The following CHRM3 variants were observed in gnomAD, a reference collection of about 807,000 sequenced individuals.
CHRM3 encodes the protein muscarinic acetylcholine receptor M3.
In CHRM3, 11 loss-of-function variants were observed where a neutral mutation model predicts 41.8. The ratio of observed to expected loss-of-function variants is 0.26; its 90% CI spans 0.17 to 0.44. CHRM3 has a LOEUF of 0.44. CHRM3 is among the 20% of genes least tolerant of loss of function. CHRM3 has a pLI of 1.00. For missense variants in CHRM3, 571 were observed against 745.4 expected, an observed-to-expected ratio of 0.77 and a Z score of 2.72; for synonymous variants, 297 against 301.4, an observed-to-expected ratio of 0.99 and a Z score of 0.15.
intron 6 of CHRM3, among the ~76,000 whole-genome samples, chr1:239,830,680 G>A (rs1025706670): frequency 4.6e-5 from 7 of 152,186 alleles, no homozygotes; most frequent in Non-Finnish European, 8.8e-5. Context: ...CTCCAGCCTG[G>A]GCAATAGAGG....
chr1:239,802,754 C>T lies in CHRM3; in HGVS notation c.-146-24498C>T, dbSNP rs145428122. Among the ~76,000 whole-genome samples the T allele has an allele frequency of 3.6e-3, 548 of 152,200 alleles. 5 individuals are homozygous for T. The highest frequency in any genetic ancestry group is 0.013 in the African/African-American group (525 of 41,532). On this transcript the variant is annotated intron_variant, in intron 5 of 6. Transcript: ENST00000676153. The stretch of plus-strand genomic sequence containing the variant: ...CTGGGACTACAGGTGTGCACCACCA[C>T]GCCCAGCTAATTTTTGTGTTTTTTG...
intron 4 of CHRM3, among the ~76,000 whole-genome samples, chr1:239,665,519 T>A (rs1673692241): frequency 1.3e-5 from 2 of 152,172 alleles, no homozygotes; most frequent in South Asian, 4.1e-4. Flanking sequence ...TTTTTTGGAA[T>A]GTTTCTTTTT....
At chr1:239,645,610 A>G (rs1671677080) in intron 4 of CHRM3, among the ~76,000 whole-genome samples, 1 of 152,238 alleles carries the variant, frequency 6.6e-6, no homozygotes, top group African/African-American at 2.4e-5. Context: ...ATGTGATGTC[A>G]TACACAAAAC....
At chr1:239,786,327 C>T (rs1477257144) in intron 5 of CHRM3, among the ~76,000 whole-genome samples, 1 of 152,080 alleles carries the variant, frequency 6.6e-6, no homozygotes, top group African/African-American at 2.4e-5. Flanking sequence ...TAATAATTAC[C>T]TATACTTACA....
intron 2 of CHRM3, among the ~76,000 whole-genome samples, chr1:239,542,864 AT>A (rs1658913701): frequency 6.6e-6 from 1 of 152,112 alleles, no homozygotes; most frequent in African/African-American, 2.4e-5. Flanking sequence ...TTCCTTTGAT[AT>A]TTTTCAAAAG....
intron 2 of CHRM3, among the ~76,000 whole-genome samples, chr1:239,494,514 C>A (rs1186138073): frequency 6.6e-6 from 1 of 151,296 alleles, no homozygotes; most frequent in Non-Finnish European, 1.5e-5. Flanking sequence ...ATAGTTCAGA[C>A]TTTTTTTTTA....
intron 1 of CHRM3, among the ~76,000 whole-genome samples, chr1:239,399,904 T>C (rs1659820704): frequency 6.6e-6 from 1 of 152,050 alleles, no homozygotes; most frequent in Admixed American, 6.6e-5. Context: ...TATTTATTTA[T>C]TTATTTTTAT....
At chr1:239,535,564 G>A (rs993123745) in intron 2 of CHRM3, among the ~76,000 whole-genome samples, 10 of 150,998 alleles carry the variant, frequency 6.6e-5, no homozygotes, top group African/African-American at 2.4e-4. Flanking sequence ...TCTGCCCTAT[G>A]AAAATACTCT....
chr1:239,898,941 T>A (rs1281195473), intron 6 of CHRM3, among the ~76,000 whole-genome samples: 1 of 152,222 alleles, frequency 6.6e-6, no homozygotes, highest in African/African-American at 2.4e-5. Context: ...TTCCTAGAAC[T>A]AACCTTCAAT....
At chr1:239,831,605 C>G (rs529697600) in intron 6 of CHRM3, among the ~76,000 whole-genome samples, 1 of 152,150 alleles carries the variant, frequency 6.6e-6, no homozygotes, top group African/African-American at 2.4e-5. Context: ...ACTGATGGAA[C>G]TGTTGAGAAT....
In CHRM3 at chr1:239,662,893, C is replaced by CTCTTCTTCTTCTTCTTTTTCTTCTTCT. The variant is rs1553356874; in HGVS notation, c.-249-15277_-249-15276insTTTCTTCTTCTTCTTCTTCTTCTTCTT. Among the ~76,000 whole-genome samples the CTCTTCTTCTTCTTCTTTTTCTTCTTCT allele has an allele frequency of 1.3e-4, 6 of 46,400 alleles. 1 individual carries two copies. The highest frequency in any genetic ancestry group is 4.7e-4 in the African/African-American group (6 of 12,724). 30.4% of individuals were successfully genotyped at this position (46,400 alleles called of 152,430 possible). On this transcript the variant is annotated intron_variant, in intron 4 of 6. Transcript: ENST00000676153. ...TCTCCTCTTTCTCCTCTTCCTCCTC[C>CTCTTCTTCTTCTTCTTTTTCTTCTTCT]TCTTCTTCTTCTTCTTCTTCTTCTT... is the stretch of plus-strand genomic sequence containing the variant.
chr1:239,574,942 G>C (rs996895091), intron 3 of CHRM3, among the ~76,000 whole-genome samples: 1 of 152,008 alleles, frequency 6.6e-6, no homozygotes, highest in Non-Finnish European at 1.5e-5. Context: ...TTGAATGGAG[G>C]TAACAATCTT....
At chr1:239,396,645 G>T (rs1572150466) in intron 1 of CHRM3, among the ~76,000 whole-genome samples, 2 of 152,008 alleles carry the variant, frequency 1.3e-5, no homozygotes, top group African/African-American at 4.8e-5. Context: ...TTTGTTGTTT[G>T]TCTCCTTATA....
At chr1:239,757,534 GC>G (rs1220046419) in intron 5 of CHRM3, among the ~76,000 whole-genome samples, 1 of 151,856 alleles carries the variant, frequency 6.6e-6, no homozygotes, top group Admixed American at 6.6e-5. Flanking sequence ...GGAGGCTGAG[GC>G]AGGAGAATGG....
At chr1:239,498,443 T>C (rs17585014) in intron 2 of CHRM3, among the ~76,000 whole-genome samples, 23,410 of 152,166 alleles carry the variant, frequency 0.15, 2,388 homozygotes, top group Non-Finnish European at 0.21. Flanking sequence ...AAATTTGATT[T>C]CAATAAAATT....
At chr1:239,401,459 C>T (rs1659965172) in intron 1 of CHRM3, among the ~76,000 whole-genome samples, 1 of 151,962 alleles carries the variant, frequency 6.6e-6, no homozygotes, top group Non-Finnish European at 1.5e-5. Flanking sequence ...TGTATTTTGT[C>T]TTCTCCTGAT....
At chr1:239,409,683 T>C (rs1187792383) in intron 1 of CHRM3, among the ~76,000 whole-genome samples, 1 of 152,272 alleles carries the variant, frequency 6.6e-6, no homozygotes, top group Non-Finnish European at 1.5e-5. Context: ...CTCTAAAAGA[T>C]AGCGGAATGT....
intron 5 of CHRM3, among the ~76,000 whole-genome samples, chr1:239,735,689 G>A (rs566190114): frequency 4.3e-4 from 65 of 152,178 alleles, no homozygotes; most frequent in African/African-American, 1.5e-3. Context: ...TGCCTCTTGA[G>A]GGTTGATTTT....
At chr1:239,569,140 A>G (rs1412467947) in intron 3 of CHRM3, among the ~76,000 whole-genome samples, 2 of 152,208 alleles carry the variant, frequency 1.3e-5, no homozygotes, top group African/African-American at 4.8e-5. Flanking sequence ...GTATACATGC[A>G]CATGTAAATA....
Sources: allele counts gnomAD v4.1 joint callset (sites outside exome capture counted in the v4.1 genomes callset), GRCh38; gene constraint gnomAD v4.1.1; transcripts MANE v1.5; gene names NCBI Gene and HGNC (gene_info 2026-07-23, HGNC 2026-07-21).